Variants in PPP2R1B observed in about 807,000 individuals in gnomAD.
PPP2R1B encodes the protein protein phosphatase 2 scaffold subunit Abeta.
Under a neutral mutation model 72.7 loss-of-function variants are expected in PPP2R1B, and 58 were observed. The observed-to-expected ratio is 0.80, with a 90% confidence interval of 0.65 to 0.99. PPP2R1B has a LOEUF of 0.99. Ranked by LOEUF, PPP2R1B falls within the 50% of genes least tolerant of loss-of-function variation. The pLI is 0.00. For missense variants in PPP2R1B, 695 were observed against 733.6 expected (o/e 0.95, Z 0.61); for synonymous variants, 256 against 264.6 (o/e 0.97, Z 0.32).
At chr11:111,727,028 A>G in exon 16 of PPP2R1B, 2 of 1,614,130 alleles carry the variant, frequency 1.2e-6, no homozygotes, top group East Asian at 2.2e-5. Flanking sequence ...GTGTGTCTCT[A>G]GTATCTCCAC....
intron 15 of PPP2R1B, chr11:111,730,662 T>C (rs966912151): frequency 1.7e-4 from 26 of 152,228 alleles, no homozygotes; most frequent in African/African-American, 5.8e-4. Flanking sequence ...CAAATCATAA[T>C]AGCTCCAATG....
chr11:111,737,413 G>A, downstream of PPP2R1B: 2 of 1,614,054 alleles, frequency 1.2e-6, no homozygotes, highest in Non-Finnish European at 1.7e-6. Flanking sequence ...GCAGCCCTGA[G>A]GGCAGGACTT....
chr11:111,738,026 T>C lies in PPP2R1B; in HGVS notation c.*3570A>G, dbSNP rs1944389919. On this transcript the variant is annotated 3_prime_UTR_variant, in exon 15 of 15. Transcript: ENST00000527614. ...TAATTTCCTGGAAACAGCAGGCTCG[T>C]GGAGGCAAACGGGGGACAGTGAGAC... The C allele has an allele frequency of 3.0e-5, 30 of 1,009,416 alleles. No homozygotes were observed. The highest frequency in any genetic ancestry group is 3.6e-5 in the Non-Finnish European group (30 of 843,164). The allele number at this position is 1,009,416 out of a possible 1,614,324, so 62.5% of individuals were successfully genotyped here. A position where few individuals can be genotyped will look rare whatever the true frequency, so the allele number is the denominator to read the frequency against.
rs782741684 is a variant in PPP2R1B, at chr11:111,760,891, C to T, written c.467G>A (p.Arg156His). 6 of 1,614,030 alleles carry T rather than the reference C, an allele frequency of 3.7e-6. No homozygotes were observed. Among genetic ancestry groups the T allele is most frequent in the South Asian group, 1.1e-5 (1 of 91,084 alleles). The change falls in exon 4 of 15, where the codon CGC becomes CAC. Residue 156 changes from arginine (R) to histidine (H), a missense_variant. Arg to His is a conservative substitution (Grantham distance 29, BLOSUM62 0). Transcript: ENST00000527614. ...RLASGDWFTS[R>H]TSACGLFSVC... Reference sequence around the variant, plus strand: ...GCTGAACAAACCACATGCAGATGTGCGAGAGGTGAACCAATCCCCACTTGC... The same window carrying T: ...GCTGAACAAACCACATGCAGATGTGTGAGAGGTGAACCAATCCCCACTTGC...
chr11:111,749,307 G>A (rs1396577275), intron 10 of PPP2R1B, among the ~76,000 whole-genome samples: 3 of 151,200 alleles, frequency 2.0e-5, no homozygotes, highest in Non-Finnish European at 2.9e-5. Flanking sequence ...TTGTCGAGAC[G>A]GAATCTCTCT....
chr11:111,711,037 A>T, the PPP2R1B span, among the ~76,000 whole-genome samples: 2 of 152,152 alleles, frequency 1.3e-5, no homozygotes, highest in African/African-American at 4.8e-5. Context: ...TTTTGAAGGG[A>T]TGGTGATGAA....
At chr11:111,746,654 A>T (rs550951549) in intron 11 of PPP2R1B, among the ~76,000 whole-genome samples, 11 of 152,348 alleles carry the variant, frequency 7.2e-5, no homozygotes, top group African/African-American at 2.2e-4. Flanking sequence ...AATAAAATTT[A>T]AAAAAGCACA....
At chr11:111,712,381 G>A in the PPP2R1B span, 1,127 of 1,611,914 alleles carry the variant, frequency 7.0e-4, 1 homozygote, top group Non-Finnish European at 9.3e-4. Flanking sequence ...CAAAGGTACG[G>A]CTATGTTTGA....
chr11:111,723,877 G>A (rs778266408), downstream of PPP2R1B: 13 of 1,602,190 alleles, frequency 8.1e-6, no homozygotes, highest in Non-Finnish European at 1.0e-5. Context: ...CCCCCTTACA[G>A]TTCTCCTATC....
chr11:111,738,627 G>A lies in PPP2R1B; in HGVS notation c.*2969C>T. ...CCTGGGGCTCTGCATCACAGTGGCT[G>A]AGCTGTGGTATTTCTGTGAGCTGAG... On this transcript the variant is annotated 3_prime_UTR_variant, in exon 15 of 15. Coordinates refer to ENST00000527614, the MANE Select transcript of PPP2R1B (RefSeq NM_002716.5). 1 of 985,430 alleles carries A rather than the reference G, an allele frequency of 1.0e-6. No individual in the cohort carries two copies. Among genetic ancestry groups the A allele is most frequent in the Non-Finnish European group, 1.2e-6 (1 of 829,916 alleles). The allele number at this position is 985,430 out of a possible 1,614,324, so 61.0% of individuals were successfully genotyped here.
the PPP2R1B span, among the ~76,000 whole-genome samples, chr11:111,710,419 A>T: frequency 0.029 from 4,406 of 152,318 alleles, 83 homozygotes; most frequent in Non-Finnish European, 0.04. Flanking sequence ...ATAGCCAGTG[A>T]TATTAATATT....
chr11:111,721,779 C>A, the PPP2R1B span: 4 of 1,430,816 alleles, frequency 2.8e-6, no homozygotes, highest in South Asian at 1.3e-5. Flanking sequence ...AGAACTGAGA[C>A]GTTTTTCCCC....
chr11:111,755,331 C>T lies in PPP2R1B; in HGVS notation c.807G>A (p.Trp269Ter). The change falls in exon 6 of 15, where the codon TGG becomes TGA. Residue 269 changes from tryptophan to a stop codon, truncating the protein, a stop_gained. Coordinates refer to ENST00000527614, the MANE Select transcript of PPP2R1B (RefSeq NM_002716.5). LOFTEE classifies it high-confidence loss of function. ...TGTCAGCCACCATATAGCGAACGCG[C>T]CAAGATTTATCTTCTGCTGCTTGTC... ...TLRQAAEDKS[W>*]RVRYMVADRF... 6.2e-7 allele frequency: 1 copy of T among 1,612,806 alleles called. No homozygotes were observed. Among genetic ancestry groups the T allele is most frequent in the Non-Finnish European group, 8.5e-7 (1 of 1,179,740 alleles).
intron 9 of PPP2R1B, 53 bp downstream of exon 9, chr11:111,753,390 T>A (rs1555048555): frequency 1.3e-6 from 2 of 1,572,676 alleles, no homozygotes; most frequent in African/African-American, 2.8e-5. Flanking sequence ...TAAACCAAAA[T>A]CAAATAAAAT....
chr11:111,693,331 C>CAA, the PPP2R1B span, among the ~76,000 whole-genome samples: 30 of 93,586 alleles, frequency 3.2e-4, no homozygotes, highest in East Asian at 3.1e-4. Context: ...GACTCCGTCT[C>CAA]AAAAAAAAAA....
chr11:111,695,914 C>G, the PPP2R1B span, among the ~76,000 whole-genome samples: 2 of 152,110 alleles, frequency 1.3e-5, no homozygotes, highest in African/African-American at 4.8e-5. Context: ...TTAGTGATGA[C>G]AGTGATAATG....
downstream of PPP2R1B, among the ~76,000 whole-genome samples, chr11:111,736,613 C>T (rs1054763335): frequency 5.9e-5 from 9 of 152,128 alleles, no homozygotes; most frequent in African/African-American, 1.9e-4. Context: ...GTGTGCAGCC[C>T]CTCAGGAAGG....
At chr11:111,720,757 C>T in the PPP2R1B span, 1 of 1,587,074 alleles carries the variant, frequency 6.3e-7, no homozygotes, top group Non-Finnish European at 8.6e-7. Flanking sequence ...ACCTCCCTCA[C>T]CCAGGGTGAG....
intron 5 of PPP2R1B, among the ~76,000 whole-genome samples, chr11:111,756,975 A>G (rs2554995): frequency 0.11 from 16,405 of 151,970 alleles, 2,565 homozygotes; most frequent in African/African-American, 0.35. Context: ...TTAGCCAGGC[A>G]TGGTGGCACG....
Sources: gnomAD v4.1 joint callset for allele counts (sites outside exome capture counted in the v4.1 genomes callset) on GRCh38, gnomAD v4.1.1 for gene constraint, MANE v1.5 for transcripts, NCBI Gene and HGNC (gene_info 2026-07-23, HGNC 2026-07-21) for gene names.